The following HDAC9 variants were observed in gnomAD, a reference collection of about 807,000 sequenced individuals.
HDAC9 encodes histone deacetylase 9, also known as MEF-2 interacting transcription repressor (MITR) protein.
HDAC9 carries 41 observed loss-of-function variants against 139.4 expected under a neutral mutation model. The observed-to-expected ratio is 0.29, with a 90% CI of 0.23 to 0.38. The LOEUF is 0.38. Among genes scored for constraint, HDAC9 ranks in the 10% least tolerant of loss-of-function variants. The pLI is 1.00. For synonymous variants in HDAC9, 517 were observed against 476.2 expected (o/e 1.09, Z -1.12); for missense variants, 1,147 against 1,297.0 (o/e 0.88, Z 1.78).
At chr7:18,667,270 A>G in intron 12 of HDAC9, 1 of 985,040 alleles carries the variant, frequency 1.0e-6, no homozygotes, top group Non-Finnish European at 1.2e-6. Context: ...GTGCAGCATT[A>G]TGGTCCAATC....
chr7:18,919,919 G>A (rs546734652), intron 22 of HDAC9, among the ~76,000 whole-genome samples: 1 of 152,224 alleles, frequency 6.6e-6, no homozygotes, highest in Admixed American at 6.5e-5. Flanking sequence ...ATAGTTTGAA[G>A]TCAGGTAGCA....
chr7:18,539,225 G>T (rs1357574924), intron 2 of HDAC9, among the ~76,000 whole-genome samples: 1 of 152,086 alleles, frequency 6.6e-6, no homozygotes, highest in Non-Finnish European at 1.5e-5. Flanking sequence ...TACTTATGTG[G>T]GTGTGATAGG....
At chr7:18,486,994 G>A (rs1017700229) in intron 1 of HDAC9, among the ~76,000 whole-genome samples, 8 of 152,008 alleles carry the variant, frequency 5.3e-5, no homozygotes, top group Admixed American at 2.0e-4. Context: ...AGAGTGTTTT[G>A]GGGGATGAAA....
intron 22 of HDAC9, chr7:18,899,566 G>T (rs566942658): frequency 3.3e-5 from 5 of 151,906 alleles, no homozygotes; most frequent in Admixed American, 1.3e-4. Context: ...TTAATCATTT[G>T]GTTTAGTCCA....
intron 1 of HDAC9, among the ~76,000 whole-genome samples, chr7:18,372,594 A>C (rs1397573785): frequency 1.3e-5 from 2 of 152,204 alleles, no homozygotes. Context: ...TGTTGATAGA[A>C]GAGTAAGAGG....
intron 6 of HDAC9, among the ~76,000 whole-genome samples, chr7:18,596,027 C>T (rs912511985): frequency 1.3e-5 from 2 of 151,942 alleles, no homozygotes; most frequent in African/African-American, 2.4e-5. Context: ...ATATGCAAGA[C>T]ATTTTCTGTG....
rs973497505 is a variant in HDAC9, at chr7:18,967,909, T to C, written c.3023-7897T>C. Among the ~76,000 whole-genome samples, 4 of 152,294 alleles carry C rather than the reference T, an allele frequency of 2.6e-5. No homozygotes were observed. In the South Asian group the frequency reaches 8.3e-4, roughly 32 times the overall value. The stretch of plus-strand genomic sequence containing the variant: ...CGGGCACAGTGGCTCATGCCTGTAA[T>C]CCCAGCACTTTCGGAGGCCGAGGCG... On this transcript the variant is annotated intron_variant, in intron 24 of 25. Coordinates refer to ENST00000686413, the MANE Select transcript of HDAC9 (RefSeq NM_178425.4).
intron 2 of HDAC9, among the ~76,000 whole-genome samples, chr7:18,528,740 G>A (rs1004384105): frequency 2.0e-5 from 3 of 152,088 alleles, no homozygotes; most frequent in African/African-American, 7.2e-5. Context: ...TAAGGAGACA[G>A]GAATCGATGA....
chr7:18,644,295 G>A (rs1434890663), intron 8 of HDAC9, among the ~76,000 whole-genome samples: 2 of 151,730 alleles, frequency 1.3e-5, no homozygotes, highest in Non-Finnish European at 2.9e-5. Flanking sequence ...GATAATGACT[G>A]TGGTGGCATT....
At chr7:18,879,512 C>G (rs1464042577) in intron 22 of HDAC9, among the ~76,000 whole-genome samples, 2 of 151,928 alleles carry the variant, frequency 1.3e-5, no homozygotes, top group East Asian at 3.9e-4. Flanking sequence ...AGGCCACACA[C>G]CTATGACTAA....
chr7:18,438,114 A>G (rs554319780), intron 1 of HDAC9, among the ~76,000 whole-genome samples: 35 of 149,832 alleles, frequency 2.3e-4, no homozygotes, highest in Non-Finnish European at 3.5e-4. Flanking sequence ...AAATATTTAT[A>G]TATTAAAAAT....
intron 9 of HDAC9, among the ~76,000 whole-genome samples, chr7:18,645,527 G>A (rs1233538445): frequency 6.6e-6 from 1 of 152,086 alleles, no homozygotes; most frequent in African/African-American, 2.4e-5. Flanking sequence ...AGAGAAAATG[G>A]AATACTAGAG....
chr7:18,522,738 A>G (rs1045797483), intron 2 of HDAC9, among the ~76,000 whole-genome samples: 1 of 152,150 alleles, frequency 6.6e-6, no homozygotes, highest in African/African-American at 2.4e-5. Flanking sequence ...GATATGTCTT[A>G]AGAAGGATTA....
chr7:18,664,236 G>A (rs1794117697), intron 11 of HDAC9, among the ~76,000 whole-genome samples: 2 of 152,132 alleles, frequency 1.3e-5, no homozygotes. Flanking sequence ...TCTAAACCAT[G>A]AGTAAATGAA....
At chr7:18,563,725 A>C (rs1202300600) in intron 2 of HDAC9, among the ~76,000 whole-genome samples, 5 of 148,218 alleles carry the variant, frequency 3.4e-5, no homozygotes, top group Admixed American at 6.7e-5. Context: ...GAACCACCCA[A>C]CCCCCCCCAT....
chr7:18,089,020 T>A (rs1468653856), intron 1 of HDAC9, among the ~76,000 whole-genome samples: 1 of 152,228 alleles, frequency 6.6e-6, no homozygotes, highest in Non-Finnish European at 1.5e-5. Flanking sequence ...ATTAAACAGA[T>A]GCATGTAAGG....
At chr7:18,606,789 A>G (rs977798183) in intron 6 of HDAC9, among the ~76,000 whole-genome samples, 2 of 152,206 alleles carry the variant, frequency 1.3e-5, no homozygotes, top group African/African-American at 4.8e-5. Context: ...TCAAAAGAAC[A>G]TATTTAGTTG....
chr7:18,500,772 A>T lies in HDAC9; in HGVS notation c.22+4448A>T, dbSNP rs527881295. 3.7e-4 allele frequency among the ~76,000 whole-genome samples: 56 copies of T among 152,272 alleles called. No individual in the cohort carries two copies. The South Asian group carries it at 0.011, about 30-fold the overall frequency. On this transcript the variant is annotated intron_variant, in intron 2 of 25. Coordinates refer to ENST00000686413, the MANE Select transcript of HDAC9 (RefSeq NM_178425.4). The stretch of plus-strand genomic sequence containing the variant: ...CTGCCAAGAAGAAAAACATCAACTC[A>T]TTGAACCCATGGAATTAGACGTCTT...
intron 2 of HDAC9, among the ~76,000 whole-genome samples, chr7:18,179,235 C>T (rs966581748): frequency 6.6e-6 from 1 of 152,208 alleles, no homozygotes; most frequent in Admixed American, 6.5e-5. Flanking sequence ...TGTCTTTACC[C>T]TGACTGATGC....
Sources: gnomAD v4.1 joint callset for allele counts (sites outside exome capture counted in the v4.1 genomes callset) on GRCh38, gnomAD v4.1.1 for gene constraint, MANE v1.5 for transcripts, NCBI Gene and HGNC (gene_info 2026-07-23, HGNC 2026-07-21) for gene names.